SPATS2L: variants seen among roughly 807,000 people sequenced by gnomAD.
SPATS2L encodes the protein spermatogenesis associated serine rich 2 like.
A neutral mutation model predicts 59.6 loss-of-function variants in SPATS2L; 30 were observed. The observed-to-expected ratio is 0.50, with a 90% confidence interval of 0.38 to 0.68. The LOEUF (loss-of-function observed/expected upper bound fraction) is 0.68, where lower values mean the gene tolerates loss of function less well. Among genes scored for constraint, SPATS2L ranks in the 30% least tolerant of loss-of-function variants. The pLI is 0.00. For missense variants in SPATS2L, 615 were observed against 700.0 expected (o/e 0.88, Z 1.37); for synonymous variants, 252 against 263.5 (o/e 0.96, Z 0.42).
intron 6 of SPATS2L, among the ~76,000 whole-genome samples, chr2:200,419,787 A>G (rs557170528): frequency 3.4e-5 from 5 of 148,622 alleles, no homozygotes; most frequent in Non-Finnish European, 7.4e-5. Context: ...AGCTCACTGC[A>G]GCTGCAGTCT....
intron 6 of SPATS2L, among the ~76,000 whole-genome samples, chr2:200,436,055 A>G (rs989864005): frequency 3.3e-5 from 5 of 152,174 alleles, no homozygotes; most frequent in Admixed American, 2.0e-4. Context: ...TCCAGTGTTC[A>G]ACAGCCACAT....
chr2:200,452,086 C>T (rs760276525), intron 8 of SPATS2L, among the ~76,000 whole-genome samples: 2 of 152,152 alleles, frequency 1.3e-5, no homozygotes, highest in Non-Finnish European at 2.9e-5. Context: ...GCATGAGCCA[C>T]CACGCCCGGC....
chr2:200,331,050 C>T (rs1003806624), intron 2 of SPATS2L, among the ~76,000 whole-genome samples: 3 of 152,186 alleles, frequency 2.0e-5, no homozygotes, highest in African/African-American at 7.2e-5. Context: ...GTACTGCAGA[C>T]ATCAGTGATT....
chr2:200,429,816 G>A (rs747099247), intron 6 of SPATS2L, among the ~76,000 whole-genome samples: 3 of 152,096 alleles, frequency 2.0e-5, no homozygotes, highest in Non-Finnish European at 4.4e-5. Flanking sequence ...ACAAAGTAGG[G>A]CAAGAAGAGT....
intron 2 of SPATS2L, among the ~76,000 whole-genome samples, chr2:200,384,494 C>G (rs1056470025): frequency 6.6e-6 from 1 of 152,216 alleles, no homozygotes; most frequent in Non-Finnish European, 1.5e-5. Flanking sequence ...GCTGGGACTA[C>G]AGGCGCATGC....
chr2:200,477,515 T>TAAAACAAAAAAAA (rs2087630238), intron 12 of SPATS2L, 121 bp from the exon 13 acceptor site: 1 of 268,514 alleles, frequency 3.7e-6, no homozygotes, highest in African/African-American at 4.4e-5. Flanking sequence ...TTCTGGTGTA[T>TAAAACAAAAAAAA]AAAAAAAAAA....
intron 9 of SPATS2L, chr2:200,463,250 G>T (rs1018569839): frequency 6.6e-6 from 1 of 152,068 alleles, no homozygotes; most frequent in African/African-American, 2.4e-5. Flanking sequence ...GTTCTCTGTG[G>T]TCTCAAGAGT....
intron 7 of SPATS2L, 82 bp from the exon 8 acceptor site, chr2:200,440,567 C>G: frequency 7.4e-7 from 1 of 1,348,898 alleles, no homozygotes. Context: ...TTCTGGTGGG[C>G]TAATTGCTTT....
intron 6 of SPATS2L, among the ~76,000 whole-genome samples, chr2:200,426,999 C>G (rs1322333989): frequency 6.6e-6 from 1 of 152,076 alleles, no homozygotes; most frequent in African/African-American, 2.4e-5. Context: ...TTTCGGTCAC[C>G]TGGGCTCTCT....
chr2:200,480,650 C>A lies in SPATS2L; in HGVS notation c.*2619C>A, dbSNP rs144407389. ...CCTCCCAAAGTGTTAGAATTACAGG[C>A]ATGAGCCACCTCGCCTGGCTGGTTT... On this transcript the variant is annotated 3_prime_UTR_variant, in exon 13 of 13. Coordinates refer to ENST00000409140, the MANE Select transcript of SPATS2L (RefSeq NM_001100423.2). 1 of 152,536 alleles carries A rather than the reference C, an allele frequency of 6.6e-6. No individual in the cohort carries two copies. The highest frequency in any genetic ancestry group is 1.5e-5 in the Non-Finnish European group (1 of 68,048). 9.4% of individuals were successfully genotyped at this position (152,536 alleles called of 1,614,324 possible).
intron 2 of SPATS2L, among the ~76,000 whole-genome samples, chr2:200,337,255 A>G (rs1327485863): frequency 6.6e-6 from 1 of 152,248 alleles, no homozygotes; most frequent in Admixed American, 6.5e-5. Context: ...AAATCACAGC[A>G]TACAAAATTT....
intron 3 of SPATS2L, among the ~76,000 whole-genome samples, chr2:200,409,032 T>A (rs2082783140): frequency 6.6e-6 from 1 of 152,238 alleles, no homozygotes; most frequent in African/African-American, 2.4e-5. Flanking sequence ...TGGGACCACT[T>A]TGTTTATGGC....
At chr2:200,417,126 C>T (rs1256948977) in intron 5 of SPATS2L, among the ~76,000 whole-genome samples, 2 of 152,194 alleles carry the variant, frequency 1.3e-5, no homozygotes, top group African/African-American at 4.8e-5. Flanking sequence ...AACTGTTCCA[C>T]TCATTCCTGC....
In SPATS2L at chr2:200,419,348, G is replaced by A; in HGVS notation, c.297G>A (p.Gln99=). ...ERPEAGPLQP[Q]PPQIQNGPMN... ...CTGAGGCAGGGCCCCTGCAGCCGCA[G>A]CCACCACAGATTCAAAACGGCCCCA... Residue 99 remains glutamine (Q), a synonymous_variant, in exon 6 of 13, where the codon CAG becomes CAA. Transcript: ENST00000409140. 1 of 1,611,552 alleles carries A rather than the reference G, an allele frequency of 6.2e-7. No homozygotes were observed.
intron 6 of SPATS2L, among the ~76,000 whole-genome samples, chr2:200,423,331 G>A (rs1398919832): frequency 6.6e-6 from 1 of 152,140 alleles, no homozygotes; most frequent in African/African-American, 2.4e-5. Flanking sequence ...ACTGGCAATC[G>A]CAAGAGCTCT....
intron 11 of SPATS2L, among the ~76,000 whole-genome samples, chr2:200,472,524 T>A (rs978724052): frequency 6.6e-6 from 1 of 152,156 alleles, no homozygotes; most frequent in African/African-American, 2.4e-5. Flanking sequence ...TCATTATCTC[T>A]TTTCCCTTGG....
chr2:200,329,453 T>C lies in SPATS2L; in HGVS notation c.-50T>C, dbSNP rs1328172551. Reference sequence around the variant, plus strand: ...TAGAGCTCTTCAGAAACCAGGCTGCTTTCAGGAACATTGCTGTGGATTCCC... The same window carrying C: ...TAGAGCTCTTCAGAAACCAGGCTGCCTTCAGGAACATTGCTGTGGATTCCC... On this transcript the variant is annotated 5_prime_UTR_variant, in exon 2 of 13. Coordinates refer to ENST00000409140, the MANE Select transcript of SPATS2L (RefSeq NM_001100423.2). 1 of 1,550,586 alleles carries C rather than the reference T, an allele frequency of 6.4e-7. No individual in the cohort carries two copies. Among genetic ancestry groups the C allele is most frequent in the Non-Finnish European group, 8.7e-7 (1 of 1,146,974 alleles).
chr2:200,452,892 T>TAA (rs3835860), intron 8 of SPATS2L, among the ~76,000 whole-genome samples: 192 of 151,324 alleles, frequency 1.3e-3, no homozygotes, highest in African/African-American at 4.5e-3. Context: ...GTGCTGCATT[T>TAA]AAAAAAAAAA....
At chr2:200,456,815 GCT>G (rs751093342) in intron 8 of SPATS2L, among the ~76,000 whole-genome samples, 1 of 152,126 alleles carries the variant, frequency 6.6e-6, no homozygotes, top group East Asian at 1.9e-4. Context: ...TGCTGGGCAT[GCT>G]CTCTAAACCC....
Sources: gnomAD v4.1 joint callset for allele counts (sites outside exome capture counted in the v4.1 genomes callset) on GRCh38, gnomAD v4.1.1 for gene constraint, MANE v1.5 for transcripts, NCBI Gene and HGNC (gene_info 2026-07-23, HGNC 2026-07-21) for gene names.